The following RTN1 variants were observed in gnomAD, a reference collection of about 807,000 sequenced individuals.
RTN1 encodes the protein reticulon-1.
RTN1 carries 25 observed loss-of-function variants against 65.5 expected under a neutral mutation model. The ratio of observed to expected loss-of-function variants is 0.38; its 90% confidence interval spans 0.28 to 0.53. The LOEUF (loss-of-function observed/expected upper bound fraction) is 0.53. Among genes scored for constraint, RTN1 ranks in the 20% least tolerant of loss-of-function variants. RTN1 has a pLI of 0.79. For missense variants in RTN1, 983 were observed against 1,025.4 expected, an observed-to-expected ratio of 0.96 and a Z score of 0.57; for synonymous variants, 471 against 447.6, an observed-to-expected ratio of 1.05 and a Z score of -0.66.
intron 1 of RTN1, among the ~76,000 whole-genome samples, chr14:59,817,060 T>C (rs1405821470): frequency 6.6e-6 from 1 of 151,870 alleles, no homozygotes; most frequent in East Asian, 1.9e-4. Flanking sequence ...GAGGGAATCT[T>C]AAAAAACACT....
intron 1 of RTN1, among the ~76,000 whole-genome samples, chr14:59,771,247 C>T (rs1323374223): frequency 6.6e-6 from 1 of 152,170 alleles, no homozygotes; most frequent in African/African-American, 2.4e-5. Context: ...GACCAAGAAG[C>T]TACCTGTGGC....
intron 8 of RTN1, among the ~76,000 whole-genome samples, chr14:59,598,860 A>G (rs1482143277): frequency 6.6e-6 from 1 of 152,182 alleles, no homozygotes; most frequent in African/African-American, 2.4e-5. Flanking sequence ...CAGGGTAATC[A>G]TCCCCAGCAA....
At chr14:59,630,101 G>A (rs1406797945) in intron 3 of RTN1, among the ~76,000 whole-genome samples, 1 of 151,926 alleles carries the variant, frequency 6.6e-6, no homozygotes, top group Non-Finnish European at 1.5e-5. Context: ...GGAACAATAA[G>A]AAAGCACTTT....
At chr14:59,700,010 G>A (rs1490384017) in intron 3 of RTN1, among the ~76,000 whole-genome samples, 1 of 152,048 alleles carries the variant, frequency 6.6e-6, no homozygotes, top group African/African-American at 2.4e-5. Flanking sequence ...TGGCCATATG[G>A]TCTCAATAGC....
chr14:59,728,721 C>G lies in RTN1; in HGVS notation c.1016-1053G>C, dbSNP rs546236335. 2.1e-3 allele frequency among the ~76,000 whole-genome samples: 315 copies of G among 152,094 alleles called. 1 individual carries two copies. The highest frequency in any genetic ancestry group is 7.2e-3 in the African/African-American group (299 of 41,482). On this transcript the variant is annotated intron_variant, in intron 2 of 8. Transcript: ENST00000267484. The stretch of plus-strand genomic sequence containing the variant: ...GTGGCTTTAGGACTGTGGGAGAACC[C>G]CAAATGGATAAAACATTTTAGATTT...
chr14:59,868,906 T>A lies in RTN1; in HGVS notation c.241+1484A>T, dbSNP rs557914817. ...ATCATTTGCCATCTTCTTTTGCAAT[T>A]ATAAAGAGTTTTGTTTTCACTTGGA... On this transcript the variant is annotated intron_variant, in intron 1 of 8. Transcript: ENST00000267484. The surrounding 1 kb of genome is among the most constrained non-coding windows in gnomAD (Gnocchi z 4.0). 2.0e-4 allele frequency among the ~76,000 whole-genome samples: 30 copies of A among 152,304 alleles called. No homozygotes were observed. The East Asian group carries it at 5.6e-3, about 28-fold the overall frequency.
intron 3 of RTN1, among the ~76,000 whole-genome samples, chr14:59,710,979 T>A (rs1884407899): frequency 6.6e-6 from 1 of 152,238 alleles, no homozygotes; most frequent in Admixed American, 6.5e-5. Context: ...ATTTTATAGA[T>A]GAGGCTTGGG....
At chr14:59,608,031 C>T (rs1433679535) in intron 3 of RTN1, among the ~76,000 whole-genome samples, 1 of 152,142 alleles carries the variant, frequency 6.6e-6, no homozygotes, top group African/African-American at 2.4e-5. Context: ...ATCTACATTG[C>T]ATCCACCATT....
intron 1 of RTN1, among the ~76,000 whole-genome samples, chr14:59,860,485 A>C (rs1171219012): frequency 1.3e-5 from 2 of 152,218 alleles, no homozygotes; most frequent in Admixed American, 6.5e-5. Flanking sequence ...AGTGCAAAAG[A>C]GAAATGTAGG....
chr14:59,851,447 C>A (rs1887504910), intron 1 of RTN1, among the ~76,000 whole-genome samples: 1 of 152,158 alleles, frequency 6.6e-6, no homozygotes, highest in Admixed American at 6.5e-5. Flanking sequence ...ACACAAAGAG[C>A]CTTAACAGCA....
intron 3 of RTN1, among the ~76,000 whole-genome samples, chr14:59,610,723 T>C (rs1594629605): frequency 6.6e-6 from 1 of 152,336 alleles, no homozygotes; most frequent in East Asian, 1.9e-4. Flanking sequence ...GGGGACTAGA[T>C]TGCCTTTGTA....
At chr14:59,699,471 GAA>G (rs1186454354) in intron 3 of RTN1, among the ~76,000 whole-genome samples, 1 of 151,892 alleles carries the variant, frequency 6.6e-6, no homozygotes, top group African/African-American at 2.4e-5. Flanking sequence ...ACATTTTTAT[GAA>G]AAAAATTGTA....
At chr14:59,684,520 G>A (rs868286170) in intron 3 of RTN1, among the ~76,000 whole-genome samples, 9 of 151,852 alleles carry the variant, frequency 5.9e-5, no homozygotes, top group Admixed American at 2.0e-4. Flanking sequence ...CTGTGATCTC[G>A]TATCACTAAA....
chr14:59,710,001 G>A (rs572128106), intron 3 of RTN1, among the ~76,000 whole-genome samples: 29 of 109,160 alleles, frequency 2.7e-4, no homozygotes, highest in East Asian at 2.0e-3. Flanking sequence ...TCCTTCCTTC[G>A]TTCCTTTTTC....
chr14:59,625,561 T>A (rs189108662), intron 3 of RTN1, among the ~76,000 whole-genome samples: 4 of 152,326 alleles, frequency 2.6e-5, no homozygotes. Context: ...ACATATTCAA[T>A]CTTATTTTAT....
At position 59,836,402 on chromosome 14, in the gene RTN1, G is replaced by C. The variant is rs1214233256; in HGVS notation, c.241+33988C>G. 6.6e-6 allele frequency among the ~76,000 whole-genome samples: 1 copy of C among 152,160 alleles called. No homozygotes were observed. Among genetic ancestry groups the C allele is most frequent in the African/African-American group, 2.4e-5 (1 of 41,438 alleles). ...CCCATTATAGAGATGAGGACTCTCA[G>C]GCACAGAGAGATTAAGGAACTCCCC... On this transcript the variant is annotated intron_variant, in intron 1 of 8. Transcript: ENST00000267484. The surrounding 1 kb of genome is among the most constrained non-coding windows in gnomAD (Gnocchi z 4.9).
intron 1 of RTN1, among the ~76,000 whole-genome samples, chr14:59,780,697 G>A (rs1251462777): frequency 6.6e-6 from 1 of 151,740 alleles, no homozygotes; most frequent in African/African-American, 2.4e-5. Context: ...TCTTCTCATT[G>A]CTTCTCACAA....
chr14:59,615,317 C>G (rs1882071681), intron 3 of RTN1, among the ~76,000 whole-genome samples: 1 of 152,030 alleles, frequency 6.6e-6, no homozygotes, highest in Non-Finnish European at 1.5e-5. Context: ...GGTATGGTAG[C>G]GCATGCCTGT....
At chr14:59,861,194 G>A (rs541999123) in intron 1 of RTN1, among the ~76,000 whole-genome samples, 11 of 152,254 alleles carry the variant, frequency 7.2e-5, no homozygotes, top group East Asian at 3.9e-4. Context: ...GGAACCCAGC[G>A]GGAGGTAATT....
Sources: allele counts gnomAD v4.1 joint callset (sites outside exome capture counted in the v4.1 genomes callset), GRCh38; gene constraint gnomAD v4.1.1; non-coding constraint Gnocchi (gnomAD v3.1); transcripts MANE v1.5; gene names NCBI Gene and HGNC (gene_info 2026-07-23, HGNC 2026-07-21).